Variants in NRG1 observed in about 807,000 individuals in gnomAD.
The protein encoded by NRG1 is pro-neuregulin-1, membrane-bound isoform.
A neutral mutation model predicts 63.8 loss-of-function variants in NRG1; 18 were observed. The ratio of observed to expected loss-of-function variants is 0.28; its 90% confidence interval spans 0.19 to 0.42. The LOEUF (loss-of-function observed/expected upper bound fraction) is 0.42, where lower values mean the gene tolerates loss of function less well. Ranked by LOEUF, NRG1 falls within the 10% of genes least tolerant of loss-of-function variation. The pLI is 1.00. For synonymous variants in NRG1, 302 were observed against 301.3 expected (o/e 1.00, Z -0.02); for missense variants, 762 against 814.7 (o/e 0.94, Z 0.79).
chr8:32,416,160 G>T (rs1815881835), intron 1 of NRG1, among the ~76,000 whole-genome samples: 1 of 152,102 alleles, frequency 6.6e-6, no homozygotes, highest in African/African-American at 2.4e-5. Context: ...TTAGTTATCT[G>T]GAATAGTATA....
At chr8:31,919,265 C>G (rs1319357203) in intron 1 of NRG1, among the ~76,000 whole-genome samples, 2 of 151,548 alleles carry the variant, frequency 1.3e-5, no homozygotes, top group Non-Finnish European at 1.5e-5. Flanking sequence ...GTGTTTTCAT[C>G]TAAATATTTG....
At chr8:32,091,463 T>G (rs1255511539) in intron 1 of NRG1, among the ~76,000 whole-genome samples, 1 of 152,172 alleles carries the variant, frequency 6.6e-6, no homozygotes, top group African/African-American at 2.4e-5. Context: ...GTGTTGATAT[T>G]GTGAACTTTA....
chr8:32,686,047 C>G (rs1441327708), intron 5 of NRG1, among the ~76,000 whole-genome samples: 1 of 152,170 alleles, frequency 6.6e-6, no homozygotes, highest in Non-Finnish European at 1.5e-5. Flanking sequence ...AAGAAAGATA[C>G]AGTTGTGTTT....
At chr8:31,641,163 A>G (rs1384244331) in intron 1 of NRG1, among the ~76,000 whole-genome samples, 1 of 152,060 alleles carries the variant, frequency 6.6e-6, no homozygotes, top group Admixed American at 6.5e-5. Context: ...GGAGATGGTT[A>G]GGGGTTTGCT....
chr8:32,410,614 CTTTCA>C (rs1273307655), intron 1 of NRG1, among the ~76,000 whole-genome samples: 3 of 152,132 alleles, frequency 2.0e-5, no homozygotes, highest in African/African-American at 7.2e-5. Context: ...GACCATTAGT[CTTTCA>C]TTTCTTCTTC....
chr8:31,958,114 T>G (rs1804785026), intron 1 of NRG1, among the ~76,000 whole-genome samples: 1 of 143,324 alleles, frequency 7.0e-6, no homozygotes, highest in Non-Finnish European at 1.6e-5. Flanking sequence ...GATGTTTGTG[T>G]GTGTGTTTGT....
At chr8:32,116,437 C>T (rs918387858) in intron 1 of NRG1, among the ~76,000 whole-genome samples, 4 of 152,070 alleles carry the variant, frequency 2.6e-5, no homozygotes, top group African/African-American at 7.2e-5. Flanking sequence ...AGAGAAACTC[C>T]CTCCTGGATG....
At chr8:31,934,118 T>G (rs1835089652) in intron 1 of NRG1, among the ~76,000 whole-genome samples, 1 of 152,180 alleles carries the variant, frequency 6.6e-6, no homozygotes, top group Non-Finnish European at 1.5e-5. Context: ...TGTGTGTGCA[T>G]ATATAAATAC....
chr8:32,553,767 A>C (rs753233172), intron 1 of NRG1, among the ~76,000 whole-genome samples: 1 of 152,198 alleles, frequency 6.6e-6, no homozygotes, highest in African/African-American at 2.4e-5. Flanking sequence ...TTTATCAAGC[A>C]TAACAGTATA....
chr8:31,771,015 G>A (rs1250212668), intron 1 of NRG1, among the ~76,000 whole-genome samples: 3 of 151,912 alleles, frequency 2.0e-5, no homozygotes, highest in African/African-American at 7.3e-5. Flanking sequence ...GTTCTTACAT[G>A]CAATCATTTT....
intron 1 of NRG1, among the ~76,000 whole-genome samples, chr8:31,921,475 CAT>C (rs1833911597): frequency 1.3e-5 from 1 of 75,778 alleles, no homozygotes; most frequent in Admixed American, 1.5e-4. Context: ...CATACACACA[CAT>C]ACACACACAC....
chr8:31,879,562 A>T (rs984802244), intron 1 of NRG1, among the ~76,000 whole-genome samples: 2 of 152,112 alleles, frequency 1.3e-5, no homozygotes, highest in Non-Finnish European at 2.9e-5. Flanking sequence ...TTAATTCCTT[A>T]TTTAAAAAAT....
intron 1 of NRG1, among the ~76,000 whole-genome samples, chr8:32,159,010 T>C (rs1373877673): frequency 6.6e-6 from 1 of 152,088 alleles, no homozygotes; most frequent in Non-Finnish European, 1.5e-5. Flanking sequence ...GTCATCGACA[T>C]GTCATCTGCC....
chr8:32,299,025 CAAAA>C (rs34799826), intron 1 of NRG1, among the ~76,000 whole-genome samples: 772 of 59,532 alleles, frequency 0.013, 7 homozygotes, highest in African/African-American at 0.041. Flanking sequence ...GACTCTATCT[CAAAA>C]AAAAAAAAAA....
intron 1 of NRG1, among the ~76,000 whole-genome samples, chr8:32,048,517 T>C (rs1563724465): frequency 6.7e-6 from 1 of 148,724 alleles, no homozygotes; most frequent in Non-Finnish European, 1.5e-5. Context: ...ATGGTAGTTC[T>C]GTTTTTAATT....
chr8:32,035,060 C>G (rs1179742874), intron 1 of NRG1, among the ~76,000 whole-genome samples: 1 of 152,064 alleles, frequency 6.6e-6, no homozygotes, highest in African/African-American at 2.4e-5. Flanking sequence ...TGAGATTTTT[C>G]TAGCTTTTCA....
intron 1 of NRG1, among the ~76,000 whole-genome samples, chr8:31,756,413 G>A (rs1202240780): frequency 6.6e-6 from 1 of 152,084 alleles, no homozygotes; most frequent in East Asian, 1.9e-4. Context: ...AGAGAAGTCA[G>A]TGAAGTCAAC....
At chr8:31,702,287 T>C (rs1226330354) in intron 1 of NRG1, among the ~76,000 whole-genome samples, 2 of 152,150 alleles carry the variant, frequency 1.3e-5, no homozygotes, top group East Asian at 3.8e-4. Context: ...CCTGATACTT[T>C]CTAAAGCAGA....
chr8:31,671,772 T>C (rs557406135), intron 1 of NRG1, among the ~76,000 whole-genome samples: 2 of 152,206 alleles, frequency 1.3e-5, no homozygotes, highest in East Asian at 1.9e-4. Context: ...TCACAGACTA[T>C]CATTAATTTT....
Sources: gnomAD v4.1 joint callset for allele counts (sites outside exome capture counted in the v4.1 genomes callset) on GRCh38, gnomAD v4.1.1 for gene constraint, MANE v1.5 for transcripts, NCBI Gene and HGNC (gene_info 2026-07-23, HGNC 2026-07-21) for gene names.